Variants in MAPRE3 observed in about 807,000 individuals in gnomAD.
The protein encoded by MAPRE3 is microtubule-associated protein RP/EB family member 3.
Under a neutral mutation model 30.5 loss-of-function variants are expected in MAPRE3, and 2 were observed. The observed-to-expected ratio is 0.07, with a 90% confidence interval of 0.03 to 0.21. The LOEUF (loss-of-function observed/expected upper bound fraction) is 0.21. MAPRE3 is among the 10% of genes least tolerant of loss of function. The pLI, the probability that MAPRE3 is intolerant of heterozygous loss-of-function variation, is 1.00. For missense variants in MAPRE3, 204 were observed against 351.8 expected (o/e 0.58, Z 3.36); for synonymous variants, 110 against 127.7 (o/e 0.86, Z 0.93).
rs1350996609 is a variant in MAPRE3, at chr2:27,026,762, C to G, written c.*414C>G. 1 of 163,622 alleles carries G rather than the reference C, an allele frequency of 6.1e-6. No individual in the cohort carries two copies. The highest frequency in any genetic ancestry group is 6.4e-5 in the Admixed American group (1 of 15,532). 10.1% of individuals were successfully genotyped at this position (163,622 alleles called of 1,614,324 possible). On this transcript the variant is annotated 3_prime_UTR_variant, in exon 7 of 7. Transcript: ENST00000233121. ...TCTTTTCCAGAGCTGACAGCACGGG[C>G]TCCGGCGCAGTGTGCCTGGCTTGGC...
intron 1 of MAPRE3, among the ~76,000 whole-genome samples, chr2:26,992,532 T>A (rs1666368918): frequency 9.1e-6 from 1 of 109,450 alleles, no homozygotes. Context: ...GCCCAGATAA[T>A]TTTTTTTTTT....
chr2:27,008,963 G>T (rs1406596580), intron 1 of MAPRE3, among the ~76,000 whole-genome samples: 6 of 148,436 alleles, frequency 4.0e-5, no homozygotes, highest in Non-Finnish European at 9.0e-5. Flanking sequence ...AAGGTTACTG[G>T]ATGATTTCAT....
intron 1 of MAPRE3, among the ~76,000 whole-genome samples, chr2:26,977,456 C>T (rs901491994): frequency 8.5e-5 from 13 of 152,142 alleles, no homozygotes; most frequent in African/African-American, 2.9e-4. Context: ...CCCAGTTCTC[C>T]AGTGTTCCAG....
intron 1 of MAPRE3, among the ~76,000 whole-genome samples, chr2:27,005,044 C>A (rs1236646109): frequency 6.6e-6 from 1 of 151,942 alleles, no homozygotes; most frequent in Admixed American, 6.6e-5. Flanking sequence ...AAAATAATAA[C>A]AATGTTGGTG....
intron 4 of MAPRE3, among the ~76,000 whole-genome samples, 156 bp downstream of exon 4, chr2:27,024,453 G>A (rs533688110): frequency 3.3e-5 from 5 of 152,338 alleles, no homozygotes; most frequent in East Asian, 3.9e-4. Flanking sequence ...CAGTTAGACC[G>A]GGGGAGTGAA....
At chr2:26,995,690 G>A (rs1666436578) in intron 1 of MAPRE3, 1 of 151,804 alleles carries the variant, frequency 6.6e-6, no homozygotes, top group Non-Finnish European at 1.5e-5. Context: ...CCTTTATGAT[G>A]GAGTTAAAAG....
intron 4 of MAPRE3, 40 bp downstream of exon 4, chr2:27,024,337 G>A (rs1667184171): frequency 1.3e-6 from 2 of 1,581,216 alleles, no homozygotes; most frequent in Admixed American, 3.6e-5. Flanking sequence ...TGGGGGGCCG[G>A]GCCGGCAGGC....
At chr2:26,999,139 G>A (rs960628454) in intron 1 of MAPRE3, among the ~76,000 whole-genome samples, 1 of 152,182 alleles carries the variant, frequency 6.6e-6, no homozygotes, top group African/African-American at 2.4e-5. Flanking sequence ...CAGAGAAAGG[G>A]TTTGGGGAAG....
chr2:27,004,688 C>G (rs1666682999), intron 1 of MAPRE3, among the ~76,000 whole-genome samples: 1 of 146,482 alleles, frequency 6.8e-6, no homozygotes, highest in South Asian at 2.1e-4. Context: ...TTTCTAGTAT[C>G]TCATGTTTAG....
intron 2 of MAPRE3, chr2:27,022,625 G>A: frequency 2.9e-6 from 1 of 344,412 alleles, no homozygotes; most frequent in Middle Eastern, 8.3e-4. Context: ...ACTGCAGACA[G>A]TTTTAACACA....
At chr2:26,989,376 A>G (rs1446230980) in intron 1 of MAPRE3, among the ~76,000 whole-genome samples, 1 of 152,148 alleles carries the variant, frequency 6.6e-6, no homozygotes, top group Admixed American at 6.5e-5. Flanking sequence ...ATTAATAAGA[A>G]AGTGATCCGG....
intron 1 of MAPRE3, among the ~76,000 whole-genome samples, chr2:26,988,544 A>G (rs899541426): frequency 6.6e-6 from 1 of 152,216 alleles, no homozygotes; most frequent in Non-Finnish European, 1.5e-5. Flanking sequence ...GAGATGAGGG[A>G]AAACTGCAAT....
At position 27,025,596 on chromosome 2, in the gene MAPRE3, G is replaced by A. The variant is rs147253418; in HGVS notation, c.483G>A (p.Thr161=). The A allele has an allele frequency of 5.2e-5, 83 of 1,581,066 alleles. No individual in the cohort carries two copies. Among genetic ancestry groups the A allele is most frequent in the South Asian group, 1.1e-4 (9 of 83,500 alleles). Residue 161 remains threonine, a synonymous_variant, in exon 5 of 7, where the codon ACG becomes ACA. Coordinates refer to ENST00000233121, the MANE Select transcript of MAPRE3 (RefSeq NM_012326.4). ...KLIGTAVPQR[T]SPTGPKNMQT... is the part of the protein sequence containing the mutation. ...TCCTCTGGGCAGTTCCACAGAGGAC[G>A]TCCCCCACAGGCCCAAAAAACATGC...
chr2:27,021,174 G>A (rs774675323), intron 1 of MAPRE3, among the ~76,000 whole-genome samples: 1 of 152,192 alleles, frequency 6.6e-6, no homozygotes, highest in South Asian at 2.1e-4. Flanking sequence ...TTTTATATAA[G>A]GGACTTGACT....
At chr2:26,972,105 T>G (rs990439253) in intron 1 of MAPRE3, among the ~76,000 whole-genome samples, 30 of 152,360 alleles carry the variant, frequency 2.0e-4, no homozygotes, top group African/African-American at 7.2e-4. Flanking sequence ...CCCTAACTAC[T>G]ATATGACCTC....
At chr2:26,992,405 A>C (rs1321731272) in intron 1 of MAPRE3, among the ~76,000 whole-genome samples, 1 of 140,698 alleles carries the variant, frequency 7.1e-6, no homozygotes, top group East Asian at 2.2e-4. Context: ...TTTGTAATTT[A>C]GTAGAGATGG....
chr2:27,022,447 A>T (rs1667127654), intron 2 of MAPRE3, 108 bp downstream of exon 2: 1 of 1,394,220 alleles, frequency 7.2e-7, no homozygotes, highest in Non-Finnish European at 9.8e-7. Context: ...TGGCTGAATG[A>T]CTGATGTGGC....
chr2:27,010,708 G>T (rs1168112064), intron 1 of MAPRE3, among the ~76,000 whole-genome samples: 1 of 152,094 alleles, frequency 6.6e-6, no homozygotes, highest in Non-Finnish European at 1.5e-5. Context: ...CTCCCAAAGT[G>T]CTGGGATTAC....
chr2:26,975,422 TAC>T (rs1665995568), intron 1 of MAPRE3, among the ~76,000 whole-genome samples: 1 of 152,120 alleles, frequency 6.6e-6, no homozygotes, highest in Non-Finnish European at 1.5e-5. Flanking sequence ...TGGAGAGAAT[TAC>T]AGACTGGCTC....
Sources: allele counts gnomAD v4.1 joint callset (sites outside exome capture counted in the v4.1 genomes callset), GRCh38; gene constraint gnomAD v4.1.1; transcripts MANE v1.5; gene names NCBI Gene and HGNC (gene_info 2026-07-23, HGNC 2026-07-21).